Variants in MICAL3 observed in about 807,000 individuals in gnomAD.
MICAL3 encodes the protein [F-actin]-monooxygenase MICAL3.
In MICAL3, 62 loss-of-function variants were observed where a neutral mutation model predicts 207.4. That is an observed-to-expected ratio of 0.30 (90% confidence interval 0.24 to 0.37). The LOEUF is 0.37. MICAL3 is among the 10% of genes least tolerant of loss of function. The probability of loss-of-function intolerance (pLI) is 1.00; values close to 1 mark genes in which losing one functional copy is unlikely to be tolerated. For synonymous variants in MICAL3, 1,077 were observed against 1,069.3 expected, an observed-to-expected ratio of 1.01 and a Z score of -0.14; for missense variants, 2,368 against 2,635.6, an observed-to-expected ratio of 0.90 and a Z score of 2.22.
At chr22:17,964,778 T>G (rs1227417069) in intron 1 of MICAL3, among the ~76,000 whole-genome samples, 1 of 150,856 alleles carries the variant, frequency 6.6e-6, no homozygotes, top group Non-Finnish European at 1.5e-5. Flanking sequence ...GAGGATAAGG[T>G]CCAATGATTT....
chr22:17,831,728 G>C (rs1415934148), intron 21 of MICAL3, 126 bp downstream of exon 21: 7 of 1,427,966 alleles, frequency 4.9e-6, no homozygotes, highest in African/African-American at 1.4e-5. Flanking sequence ...GTCAGGAGGG[G>C]TGGTCCCTGG....
chr22:17,931,833 T>C (rs959150771), intron 1 of MICAL3, among the ~76,000 whole-genome samples: 1 of 152,224 alleles, frequency 6.6e-6, no homozygotes, highest in Non-Finnish European at 1.5e-5. Flanking sequence ...CCACAGCAGC[T>C]GTGTGTCAGG....
At chr22:17,951,463 G>A (rs1934346369) in intron 1 of MICAL3, among the ~76,000 whole-genome samples, 1 of 151,710 alleles carries the variant, frequency 6.6e-6, no homozygotes, top group South Asian at 2.1e-4. Flanking sequence ...TGTGACGCAT[G>A]ACACACTCTG....
chr22:17,874,490 G>T (rs1479575193), intron 16 of MICAL3, among the ~76,000 whole-genome samples: 3 of 152,016 alleles, frequency 2.0e-5, no homozygotes, highest in Admixed American at 6.5e-5. Flanking sequence ...CTTTTCTCCT[G>T]AACTAAACCA....
chr22:17,949,880 G>T (rs964596795), intron 1 of MICAL3, among the ~76,000 whole-genome samples: 3 of 152,206 alleles, frequency 2.0e-5, no homozygotes, highest in Non-Finnish European at 4.4e-5. Context: ...TGCGAATCTG[G>T]GTCCAGCAGG....
rs779216648 is a variant in MICAL3, at chr22:17,818,564, T to A, written c.4097A>T (p.Tyr1366Phe). Residue 1366 changes from tyrosine (Y) to phenylalanine (F), a missense_variant, in exon 26 of 32, where the codon TAT (tyrosine) becomes TTT (phenylalanine). Tyr to Phe is a conservative substitution (Grantham distance 22). Around this residue, in one of 4 missense-constraint regions of MICAL3, gnomAD observed 1,770 missense variants for 1,863.2 expected, o/e 0.95. Transcript: ENST00000441493. ...PAFRPVSLKS[Y>F]SVEKSPQDEG... ...ATCCTGGGGGGACTTTTCAACGGAA[T>A]AGGATTTGAGGGACACTGGCCTGAA... is the stretch of plus-strand genomic sequence containing the variant. The A allele has an allele frequency of 1.2e-6, 2 of 1,613,432 alleles. No individual in the cohort carries two copies. Among genetic ancestry groups the A allele is most frequent in the Admixed American group, 1.7e-5 (1 of 59,986 alleles).
rs1348216024 is a variant in MICAL3 at position 17,810,816 on chromosome 22, G to A, written c.5446-3C>T. ...TCCTCCTCCGTGTAGGTTCTTGGCT[G>A]GAGAGAACAAGAGAAACTTCCTCAG... On this transcript the variant is annotated splice_polypyrimidine_tract_variant and splice_region_variant and intron_variant, in intron 27 of 31. Transcript: ENST00000441493. 8 of 1,612,812 alleles carry A rather than the reference G, an allele frequency of 5.0e-6. No homozygotes were observed. Among genetic ancestry groups the A allele is most frequent in the Non-Finnish European group, 5.9e-6 (7 of 1,179,008 alleles).
chr22:17,866,549 T>G (rs570013597), intron 17 of MICAL3, among the ~76,000 whole-genome samples: 2 of 151,026 alleles, frequency 1.3e-5, no homozygotes, highest in Non-Finnish European at 2.9e-5. Flanking sequence ...GGAAAGGACA[T>G]TAGAAGACAA....
chr22:18,024,464 T>C lies in MICAL3; in HGVS notation c.-258A>G, dbSNP rs1924676091. On this transcript the variant is annotated 5_prime_UTR_variant, in exon 1 of 32. Transcript: ENST00000441493. ...CCCCTCGCCCAGGGCCCAGGGGTTC[T>C]CAGGCCGCGCGGCGAGGACGGAGGG... 1.3e-5 allele frequency: 2 copies of C among 152,056 alleles called. No individual in the cohort carries two copies. The allele number at this position is 152,056 out of a possible 1,614,324, so 9.4% of individuals were successfully genotyped here. A position where few individuals can be genotyped will look rare whatever the true frequency, so the allele number is the denominator to read the frequency against.
chr22:17,885,775 A>G, intron 16 of MICAL3, 103 bp downstream of exon 16: 1 of 1,236,228 alleles, frequency 8.1e-7, no homozygotes, highest in Non-Finnish European at 1.2e-6. Flanking sequence ...CAGCCCACGA[A>G]CGCTGGGGTC....
chr22:17,963,726 C>T (rs1935024124), intron 1 of MICAL3, among the ~76,000 whole-genome samples: 1 of 152,292 alleles, frequency 6.6e-6, no homozygotes, highest in South Asian at 2.1e-4. Flanking sequence ...GACACAGCTA[C>T]CCATGCTGAT....
intron 22 of MICAL3, among the ~76,000 whole-genome samples, chr22:17,823,937 T>C (rs1921901083): frequency 6.6e-6 from 1 of 152,162 alleles, no homozygotes; most frequent in Non-Finnish European, 1.5e-5. Flanking sequence ...CTTGCAATAA[T>C]TTAGAGAAAT....
chr22:17,870,068 G>C (rs1927555372), intron 17 of MICAL3, among the ~76,000 whole-genome samples: 1 of 152,190 alleles, frequency 6.6e-6, no homozygotes, highest in African/African-American at 2.4e-5. Flanking sequence ...CAGATGAGGG[G>C]AAGGACTGTG....
At position 17,817,919 on chromosome 22, in the gene MICAL3, C is replaced by G. The variant is rs1487576381; in HGVS notation, c.4742G>C (p.Gly1581Ala). Residue 1581 changes from glycine to alanine, a missense_variant, in exon 26 of 32, where the codon GGG becomes GCG. By Grantham distance (60) the Gly-to-Ala change is moderately conservative. This residue lies in a region of MICAL3 where 1,770 missense variants were observed against 1,863.2 expected (regional missense o/e 0.95). Coordinates refer to ENST00000441493, the MANE Select transcript of MICAL3 (RefSeq NM_015241.3). ...LEGTLQPQKR[G>A]LPLVSAEAKE... is the part of the protein sequence containing the mutation. ...GGCTTCCGCGGACACCAAGGGCAGCCCCCTCTTCTGTGGCTGCAGCGTCCC... is the reference window on the plus strand; with the variant it reads ...GGCTTCCGCGGACACCAAGGGCAGCGCCCTCTTCTGTGGCTGCAGCGTCCC... 6.2e-7 allele frequency: 1 copy of G among 1,612,534 alleles called. No individual in the cohort carries two copies. The highest frequency in any genetic ancestry group is 1.1e-5 in the South Asian group (1 of 91,086).
intron 1 of MICAL3, among the ~76,000 whole-genome samples, chr22:17,917,660 C>A (rs551151817): frequency 1.3e-5 from 2 of 152,306 alleles, no homozygotes; most frequent in African/African-American, 4.8e-5. Flanking sequence ...GATCCTGCCA[C>A]CCTCCCCAAC....
chr22:17,938,536 T>A (rs1933655571), intron 1 of MICAL3, among the ~76,000 whole-genome samples: 1 of 152,212 alleles, frequency 6.6e-6, no homozygotes, highest in South Asian at 2.1e-4. Context: ...CCGCTGGGAT[T>A]CTGTGCATTC....
rs202205156 is a variant in MICAL3, at chr22:17,959,825, GA to G, written c.-74-52940del. On this transcript the variant is annotated intron_variant, in intron 1 of 31. Transcript: ENST00000441493. Reference sequence around the variant, plus strand: ...GAAAAATAAAGGCAAATAAAGGGGGGAAAAACATGGAAAGGGTACAGAAAAA... The same window carrying G: ...GAAAAATAAAGGCAAATAAAGGGGGGAAAACATGGAAAGGGTACAGAAAAA... 3.8e-3 allele frequency among the ~76,000 whole-genome samples: 564 copies of G among 149,890 alleles called. 3 individuals are homozygous for G. The highest frequency in any genetic ancestry group is 0.013 in the African/African-American group (534 of 40,850).
chr22:17,960,864 G>A (rs1347969787), intron 1 of MICAL3, among the ~76,000 whole-genome samples: 1 of 152,190 alleles, frequency 6.6e-6, no homozygotes, highest in Non-Finnish European at 1.5e-5. Context: ...GGGTCACTGG[G>A]AGTCCTCCAG....
At chr22:17,819,197 A>T in intron 25 of MICAL3, 68 bp from the exon 26 acceptor site, 1 of 1,402,382 alleles carries the variant, frequency 7.1e-7, no homozygotes, top group Non-Finnish European at 9.3e-7. Context: ...ATCCTCGGGG[A>T]GCCTTCTCAC....
Sources: allele counts gnomAD v4.1 joint callset (sites outside exome capture counted in the v4.1 genomes callset), GRCh38; gene constraint gnomAD v4.1.1; regional missense constraint gnomAD v4.1.1; transcripts MANE v1.5; gene names NCBI Gene and HGNC (gene_info 2026-07-23, HGNC 2026-07-21).